Variants in AGR3 observed in about 807,000 individuals in gnomAD.
AGR3 encodes anterior gradient protein 3.
AGR3 carries 37 observed loss-of-function variants against 24.5 expected under a neutral mutation model. The observed-to-expected ratio is 1.51, with a 90% CI of 1.16 to 1.99. The LOEUF (loss-of-function observed/expected upper bound fraction) is 1.99, where lower values mean the gene tolerates loss of function less well. Among genes scored for constraint, AGR3 ranks in the 30% most tolerant of loss-of-function variants. AGR3 has a pLI of 0.00. For synonymous variants in AGR3, 75 were observed against 61.6 expected (o/e 1.22, Z -1.02); for missense variants, 228 against 191.1 (o/e 1.19, Z -1.14).
chr7:16,877,883 A>T (rs1782020464), intron 2 of AGR3, among the ~76,000 whole-genome samples: 1 of 150,518 alleles, frequency 6.6e-6, no homozygotes, highest in Non-Finnish European at 1.5e-5. Flanking sequence ...AAAAAGAGAG[A>T]ATTTTTTTTA....
chr7:16,865,878 T>C (rs1307851449), intron 3 of AGR3: 3 of 728,604 alleles, frequency 4.1e-6, no homozygotes, highest in East Asian at 5.1e-5. Flanking sequence ...TTGGTCGTTG[T>C]CTTTCCACAT....
intron 3 of AGR3, among the ~76,000 whole-genome samples, chr7:16,871,985 C>T (rs1000734787): frequency 6.6e-6 from 1 of 152,098 alleles, no homozygotes; most frequent in Admixed American, 6.5e-5. Context: ...ACATCCCATG[C>T]CATGGATTGG....
chr7:16,866,101 A>C (rs564451186), intron 3 of AGR3: 5 of 575,710 alleles, frequency 8.7e-6, no homozygotes, highest in Non-Finnish European at 1.6e-5. Flanking sequence ...TCTAAGGAAG[A>C]CAGATTTCCT....
At chr7:16,865,664 T>C (rs766599157) in intron 3 of AGR3, 2 of 801,664 alleles carry the variant, frequency 2.5e-6, no homozygotes, top group Non-Finnish European at 4.5e-6. Flanking sequence ...AGTTCTCAGA[T>C]GATCTCCAAG....
chr7:16,860,120 C>G (rs1343584672), intron 7 of AGR3, among the ~76,000 whole-genome samples: 1 of 151,920 alleles, frequency 6.6e-6, no homozygotes, highest in East Asian at 1.9e-4. Context: ...GATTAAAGTC[C>G]TAGGTAAGAC....
intron 2 of AGR3, among the ~76,000 whole-genome samples, 156 bp from the exon 3 acceptor site, chr7:16,873,999 T>C (rs1199712944): frequency 2.0e-5 from 3 of 152,186 alleles, no homozygotes; most frequent in Non-Finnish European, 4.4e-5. Context: ...TTTCACAAGA[T>C]ATGGAGGTGA....
At chr7:16,871,873 A>G (rs953129546) in intron 3 of AGR3, among the ~76,000 whole-genome samples, 26 of 152,080 alleles carry the variant, frequency 1.7e-4, no homozygotes, top group African/African-American at 6.0e-4. Flanking sequence ...AACCACACAC[A>G]CACACCTAGG....
chr7:16,875,132 GAAA>G, intron 2 of AGR3, among the ~76,000 whole-genome samples: 1 of 139,698 alleles, frequency 7.2e-6, no homozygotes, highest in Admixed American at 7.1e-5. Flanking sequence ...AAAAAAAAAA[GAAA>G]AAAAGAAAAT....
intron 3 of AGR3, chr7:16,865,874 G>A (rs10215444): frequency 0.12 from 84,649 of 723,278 alleles, 7,618 homozygotes; most frequent in East Asian, 0.33. Flanking sequence ...TTTTTTGGTC[G>A]TTGTCTTTCC....
At chr7:16,881,574 A>AT (rs1171752641) in intron 1 of AGR3, among the ~76,000 whole-genome samples, 1 of 152,216 alleles carries the variant, frequency 6.6e-6, no homozygotes, top group Non-Finnish European at 1.5e-5. Context: ...GTCAATTAGC[A>AT]TTTTATGACA....
intron 2 of AGR3, among the ~76,000 whole-genome samples, chr7:16,875,566 A>G (rs1013122787): frequency 2.6e-5 from 4 of 152,132 alleles, no homozygotes; most frequent in Admixed American, 1.3e-4. Flanking sequence ...TGATGCTATG[A>G]ACATACATAT....
chr7:16,862,108 C>A (rs773645353), intron 4 of AGR3, 48 bp from the exon 5 acceptor site: 1 of 1,379,054 alleles, frequency 7.3e-7, no homozygotes, highest in Non-Finnish European at 1.0e-6. Context: ...ATCAAGAGAC[C>A]TTTAATGTAA....
intron 3 of AGR3, chr7:16,865,050 G>A: frequency 1.3e-6 from 1 of 799,942 alleles, no homozygotes; most frequent in East Asian, 2.4e-5. Flanking sequence ...TAAATGAGAG[G>A]GCAACCAAGA....
In AGR3 at chr7:16,878,593, A is replaced by C. The variant is rs1311080299; in HGVS notation, c.26T>G (p.Leu9Arg). The change falls in exon 2 of 8, where the codon CTC (leucine) becomes CGC (arginine). Residue 9 changes from leucine (L) to arginine (R), a missense_variant. Transcript: ENST00000310398. ...AGAAACTGTGACGAGTAAGAGGCAGAGACCCAAAGCTGAGTGTAGCATCAT... is the reference window on the plus strand; with the variant it reads ...AGAAACTGTGACGAGTAAGAGGCAGCGACCCAAAGCTGAGTGTAGCATCAT... MMLHSALG[L>R]CLLLVTVSSN... 1.2e-6 allele frequency: 2 copies of C among 1,614,168 alleles called. No individual in the cohort carries two copies. Among genetic ancestry groups the C allele is most frequent in the Admixed American group, 3.3e-5 (2 of 60,028 alleles).
chr7:16,879,370 A>G (rs10249307), intron 1 of AGR3, among the ~76,000 whole-genome samples: 137,830 of 152,232 alleles, frequency 0.91, 62,822 homozygotes, highest in Non-Finnish European at 0.96. Flanking sequence ...CTCAATGTGC[A>G]TCTTTTATAC....
At chr7:16,872,668 C>T (rs1457820448) in intron 3 of AGR3, among the ~76,000 whole-genome samples, 1 of 152,104 alleles carries the variant, frequency 6.6e-6, no homozygotes, top group Non-Finnish European at 1.5e-5. Context: ...AGGGGACAAA[C>T]TGTAGAATAG....
chr7:16,872,130 C>G (rs1781877701), intron 3 of AGR3, among the ~76,000 whole-genome samples: 1 of 152,026 alleles, frequency 6.6e-6, no homozygotes, highest in Non-Finnish European at 1.5e-5. Context: ...AGAACCACAA[C>G]AGACTCCAAA....
downstream of AGR3, among the ~76,000 whole-genome samples, chr7:16,856,321 A>G (rs181905604): frequency 6.6e-6 from 1 of 152,210 alleles, no homozygotes; most frequent in African/African-American, 2.4e-5. Context: ...AAATGTTGCT[A>G]TTTTAGGAAA....
chr7:16,860,706 A>G, intron 6 of AGR3, 123 bp from the exon 7 acceptor site: 2 of 653,106 alleles, frequency 3.1e-6, no homozygotes, highest in Non-Finnish European at 5.3e-6. Context: ...ACACAGATAT[A>G]TTGTGTGATG....
Sources: gnomAD v4.1 joint callset for allele counts (sites outside exome capture counted in the v4.1 genomes callset) on GRCh38, gnomAD v4.1.1 for gene constraint, MANE v1.5 for transcripts, NCBI Gene and HGNC (gene_info 2026-07-23, HGNC 2026-07-21) for gene names.